Variants in PTPN6 observed in about 807,000 individuals in gnomAD.
The protein encoded by PTPN6 is protein tyrosine phosphatase non-receptor type 6, also known as tyrosine-protein phosphatase non-receptor type 6.
Under a neutral mutation model 81.5 loss-of-function variants are expected in PTPN6, and 18 were observed. The observed-to-expected ratio is 0.22, with a 90% confidence interval of 0.15 to 0.33. PTPN6 has a LOEUF of 0.33. Ranked by LOEUF, PTPN6 falls within the 10% of genes least tolerant of loss-of-function variation. The pLI is 1.00. For synonymous variants in PTPN6, 301 were observed against 310.9 expected (o/e 0.97, Z 0.33); for missense variants, 500 against 794.2 (o/e 0.63, Z 4.45).
rs1565580383 is a variant in PTPN6, at chr12:6,952,713, A to G, written c.326+536A>G. ...AAATAGGTCTCCGGCCCAAACAGAGATCATTGAGAGCACGATGTGAAGTGT... is the reference window on the plus strand; with the variant it reads ...AAATAGGTCTCCGGCCCAAACAGAGGTCATTGAGAGCACGATGTGAAGTGT... On this transcript the variant is annotated intron_variant, in intron 3 of 15. Coordinates refer to ENST00000318974, the MANE Select transcript of PTPN6 (RefSeq NM_002831.6). The surrounding 1 kb of genome is among the most constrained non-coding windows in gnomAD (Gnocchi z 8.1). 5.1e-6 allele frequency: 1 copy of G among 195,186 alleles called. No individual in the cohort carries two copies. The highest frequency in any genetic ancestry group is 1.1e-5 in the Non-Finnish European group (1 of 92,570). The allele number at this position is 195,186 out of a possible 1,614,324, so 12.1% of individuals were successfully genotyped here.
In PTPN6 at chr12:6,957,235, C is replaced by T. The variant is rs1946047858; in HGVS notation, c.1075-419C>T. Among the ~76,000 whole-genome samples, 1 of 152,222 alleles carries T rather than the reference C, an allele frequency of 6.6e-6. No individual in the cohort carries two copies. The highest frequency in any genetic ancestry group is 2.4e-5 in the African/African-American group (1 of 41,466). Reference sequence around the variant, plus strand: ...CGGAGCGCTGCCTCCTCTGTGAATCCAGGTCTTGTTTCCTCCAGGACCTAG... The same window carrying T: ...CGGAGCGCTGCCTCCTCTGTGAATCTAGGTCTTGTTTCCTCCAGGACCTAG... On this transcript the variant is annotated intron_variant, in intron 9 of 15. Transcript: ENST00000318974. This position sits in a 1 kb window ranked among gnomAD's most constrained non-coding sequence, Gnocchi z 6.5.
Position 6,956,277 on chromosome 12 carries a change from G to A in PTPN6, c.924+56G>A, listed in dbSNP as rs1946028776. 5 of 1,609,734 alleles carry A rather than the reference G, an allele frequency of 3.1e-6. No homozygotes were observed. The Admixed American group carries it at 8.3e-5, about 27-fold the overall frequency. On this transcript the variant is annotated intron_variant, in intron 8 of 15. Coordinates refer to ENST00000318974, the MANE Select transcript of PTPN6 (RefSeq NM_002831.6). The surrounding 1 kb of genome is among the most constrained non-coding windows in gnomAD (Gnocchi z 4.1). ...GCTGGGCCCTGGGAATTCCCTGTCT[G>A]GTGGGGGGACCCTAGATCCAGAGAC...
rs868915823 is a variant in PTPN6 at position 6,951,406 on chromosome 12, C to T, written c.-107C>T. 74 of 1,552,698 alleles carry T rather than the reference C, an allele frequency of 4.8e-5. 1 individual carries two copies. The Middle Eastern group carries it at 8.0e-4, about 17-fold the overall frequency. ...GACCACCGGGGGTGGTGAGGCGGCC[C>T]GGCACTGGGAGCTGCATCTGAGGCT... On this transcript the variant is annotated 5_prime_UTR_variant, in exon 1 of 16. Transcript: ENST00000318974. This position sits in a 1 kb window ranked among gnomAD's most constrained non-coding sequence, Gnocchi z 7.2.
At chr12:6,958,622 T>C (rs1427989861) in intron 11 of PTPN6, among the ~76,000 whole-genome samples, 2 of 152,226 alleles carry the variant, frequency 1.3e-5, no homozygotes, top group Admixed American at 1.3e-4. Flanking sequence ...TGGGTGATGC[T>C]TCTTTGGGGC....
At chr12:6,958,895 T>TG (rs1356573174) in intron 11 of PTPN6, among the ~76,000 whole-genome samples, 2 of 152,082 alleles carry the variant, frequency 1.3e-5, no homozygotes, top group Admixed American at 1.3e-4. Context: ...GAGAACTCAA[T>TG]GAGACCCTAT....
chr12:6,955,224 C>T lies in PTPN6; in HGVS notation c.590C>T (p.Thr197Met), dbSNP rs782576858. The T allele has an allele frequency of 1.2e-5, 19 of 1,614,202 alleles. No homozygotes were observed. Among genetic ancestry groups the T allele is most frequent in the South Asian group, 5.5e-5 (5 of 91,084 alleles). Reference protein sequence around the residue: ...LTDLVEHFKKTGIEEASGAFV... With the variant: ...LTDLVEHFKKMGIEEASGAFV... The stretch of plus-strand genomic sequence containing the variant: ...GACCTGGTGGAGCATTTCAAGAAGA[C>T]GGGGATTGAGGAGGCCTCAGGCGCC... The change falls in exon 5 of 16, where the codon ACG becomes ATG. Residue 197 changes from threonine to methionine, a missense_variant. This residue lies in a region of PTPN6 where 96 missense variants were observed against 137.3 expected (regional missense o/e 0.70). Coordinates refer to ENST00000318974, the MANE Select transcript of PTPN6 (RefSeq NM_002831.6). This position sits in a 1 kb window ranked among gnomAD's most constrained non-coding sequence, Gnocchi z 7.2.
In PTPN6 at chr12:6,956,079, A is replaced by G; in HGVS notation, c.845-63A>G. 6.5e-7 allele frequency: 1 copy of G among 1,542,690 alleles called. No homozygotes were observed. On this transcript the variant is annotated intron_variant, in intron 7 of 15. Coordinates refer to ENST00000318974, the MANE Select transcript of PTPN6 (RefSeq NM_002831.6). The surrounding 1 kb of genome is among the most constrained non-coding windows in gnomAD (Gnocchi z 4.1). ...TGGCCTGTTAGCTCAGGAGGGTCTG[A>G]CCCAGGTGTGGTGAGTCCCTGGCTA...
rs373293379 is a variant in PTPN6, at chr12:6,955,045, C to A, written c.516+51C>A. The A allele has an allele frequency of 1.0e-4, 162 of 1,610,600 alleles. No homozygotes were observed. In the African/African-American group the frequency reaches 1.7e-3, roughly 17 times the overall value. ...CCTCTGCTGAGGCTCCTGTCTGTGACCACAGTGTGGGTGGCAGGGAGGGTC... is the reference window on the plus strand; with the variant it reads ...CCTCTGCTGAGGCTCCTGTCTGTGAACACAGTGTGGGTGGCAGGGAGGGTC... On this transcript the variant is annotated intron_variant, in intron 4 of 15. Coordinates refer to ENST00000318974, the MANE Select transcript of PTPN6 (RefSeq NM_002831.6). This position sits in a 1 kb window ranked among gnomAD's most constrained non-coding sequence, Gnocchi z 7.2.
At position 6,952,704 on chromosome 12, in the gene PTPN6, C is replaced by CA. The variant is rs781837887; in HGVS notation, c.326+530dup. The CA allele has an allele frequency of 2.1e-3, 414 of 198,328 alleles. 2 individuals carry two copies. Among genetic ancestry groups the CA allele is most frequent in the African/African-American group, 9.4e-3 (403 of 42,836 alleles). The allele number at this position is 198,328 out of a possible 1,614,324, so 12.3% of individuals were successfully genotyped here. Reference sequence around the variant, plus strand: ...TGTGGGGTCAAATAGGTCTCCGGCCCAAACAGAGATCATTGAGAGCACGAT... The same window carrying CA: ...TGTGGGGTCAAATAGGTCTCCGGCCCAAAACAGAGATCATTGAGAGCACGAT... On this transcript the variant is annotated intron_variant, in intron 3 of 15. Coordinates refer to ENST00000318974, the MANE Select transcript of PTPN6 (RefSeq NM_002831.6). The surrounding 1 kb of genome is among the most constrained non-coding windows in gnomAD (Gnocchi z 8.1).
In PTPN6 at chr12:6,959,814, C is replaced by A; in HGVS notation, c.1362-113C>A. Reference sequence around the variant, plus strand: ...TGACCCTGGGCACATTCCCTCCCATCACTGGAGGCTCAGGCTGCTCCTGTG... The same window carrying A: ...TGACCCTGGGCACATTCCCTCCCATAACTGGAGGCTCAGGCTGCTCCTGTG... On this transcript the variant is annotated intron_variant, in intron 11 of 15. Transcript: ENST00000318974. The surrounding 1 kb of genome is among the most constrained non-coding windows in gnomAD (Gnocchi z 6.6). 8.8e-7 allele frequency: 1 copy of A among 1,142,138 alleles called. No individual in the cohort carries two copies. Among genetic ancestry groups the A allele is most frequent in the Non-Finnish European group, 1.3e-6 (1 of 762,808 alleles). 70.8% of individuals were successfully genotyped at this position (1,142,138 alleles called of 1,614,324 possible).
At position 6,951,926 on chromosome 12, in the gene PTPN6, C is replaced by G. The variant is rs1555147842; in HGVS notation, c.132-57C>G. ...CCCCCACCCAGGACCTCAGCCGATC[C>G]CTGCCCTCCTGCCTCTACTCCTGCA... On this transcript the variant is annotated intron_variant, in intron 2 of 15. Transcript: ENST00000318974. The surrounding 1 kb of genome is among the most constrained non-coding windows in gnomAD (Gnocchi z 7.2). 1.3e-6 allele frequency: 2 copies of G among 1,588,108 alleles called. No homozygotes were observed.
rs782651589 is a variant in PTPN6 at position 6,959,745 on chromosome 12, G to A, written c.1362-182G>A. 3.4e-5 allele frequency: 23 copies of A among 669,306 alleles called. No individual in the cohort carries two copies. The highest frequency in any genetic ancestry group is 2.5e-4 in the African/African-American group (14 of 56,074). 41.5% of individuals were successfully genotyped at this position (669,306 alleles called of 1,614,324 possible). A position where few individuals can be genotyped will look rare whatever the true frequency, so the allele number is the denominator to read the frequency against. ...AGCACCGCAGAGCCCGAGGTGGAGC[G>A]TGTCCATGCAGAGCTGGGCAAACCT... On this transcript the variant is annotated intron_variant, in intron 11 of 15. Coordinates refer to ENST00000318974, the MANE Select transcript of PTPN6 (RefSeq NM_002831.6). This position sits in a 1 kb window ranked among gnomAD's most constrained non-coding sequence, Gnocchi z 6.6.
At position 6,957,135 on chromosome 12, in the gene PTPN6, G is replaced by T. The variant is rs2138275043; in HGVS notation, c.1075-519G>T. 6.6e-6 allele frequency among the ~76,000 whole-genome samples: 1 copy of T among 152,324 alleles called. No homozygotes were observed. On this transcript the variant is annotated intron_variant, in intron 9 of 15. Coordinates refer to ENST00000318974, the MANE Select transcript of PTPN6 (RefSeq NM_002831.6). The surrounding 1 kb of genome is among the most constrained non-coding windows in gnomAD (Gnocchi z 6.5). ...AGGTTCCCAGCCTTTCTTTGCACAA[G>T]CTCATTTTCTGCTAGGAAATGACTC...
upstream of PTPN6, chr12:6,951,336 C>T: frequency 4.6e-6 from 7 of 1,518,372 alleles, no homozygotes; most frequent in Non-Finnish European, 6.2e-6. The surrounding 1 kb of genome is among the most constrained non-coding windows in gnomAD (Gnocchi z 7.2). Flanking sequence ...CTGTCCCCGC[C>T]CTGCCGGCTG....
At chr12:6,951,268 T>C (rs908787045), upstream of PTPN6, 6 of 1,444,178 alleles carry the variant, frequency 4.2e-6, no homozygotes, top group African/African-American at 1.4e-5. This position sits in a 1 kb window ranked among gnomAD's most constrained non-coding sequence, Gnocchi z 7.2. Flanking sequence ...CTTCCCTTGC[T>C]GTGCTCTAAA....
Position 6,955,113 on chromosome 12 carries a change from C to T in PTPN6, c.517-38C>T. On this transcript the variant is annotated intron_variant, in intron 4 of 15. Transcript: ENST00000318974. This position sits in a 1 kb window ranked among gnomAD's most constrained non-coding sequence, Gnocchi z 7.2. ...AAGGCTGGGGACCCAGGGAGGGAGA[C>T]TCAAGTCCTGTGAATGGCCTAATTT... The T allele has an allele frequency of 6.2e-7, 1 of 1,611,174 alleles. No homozygotes were observed. Among genetic ancestry groups the T allele is most frequent in the Non-Finnish European group, 8.5e-7 (1 of 1,177,316 alleles).
At chr12:6,953,964 ACT>A (rs782435601) in intron 3 of PTPN6, among the ~76,000 whole-genome samples, 2 of 147,096 alleles carry the variant, frequency 1.4e-5, no homozygotes, top group Non-Finnish European at 3.0e-5. Flanking sequence ...CTCACTTCTC[ACT>A]CTCTCCCCAG....
Position 6,955,309 on chromosome 12 carries a change from G to C in PTPN6, c.633+42G>C, listed in dbSNP as rs782730341. On this transcript the variant is annotated intron_variant, in intron 5 of 15. Coordinates refer to ENST00000318974, the MANE Select transcript of PTPN6 (RefSeq NM_002831.6). This position sits in a 1 kb window ranked among gnomAD's most constrained non-coding sequence, Gnocchi z 7.2. Reference sequence around the variant, plus strand: ...GCTGCCTCCCCACTTCCCCTGAGCTGTCCCCCAGATGTGAGCTTCTGGGAT... The same window carrying C: ...GCTGCCTCCCCACTTCCCCTGAGCTCTCCCCCAGATGTGAGCTTCTGGGAT... The C allele has an allele frequency of 1.2e-6, 2 of 1,610,354 alleles. No individual in the cohort carries two copies. Among genetic ancestry groups the C allele is most frequent in the Non-Finnish European group, 1.7e-6 (2 of 1,176,744 alleles).
Position 6,955,354 on chromosome 12 carries a change from C to G in PTPN6, c.634-18C>G, listed in dbSNP as rs1555148452. On this transcript the variant is annotated intron_variant, in intron 5 of 15. Transcript: ENST00000318974. The surrounding 1 kb of genome is among the most constrained non-coding windows in gnomAD (Gnocchi z 7.2). Reference sequence around the variant, plus strand: ...TGGGATCTCTGAGTTGCTGACTTCTCGCTCTTCCCCACCCCAGCCGTACTA... The same window carrying G: ...TGGGATCTCTGAGTTGCTGACTTCTGGCTCTTCCCCACCCCAGCCGTACTA... The G allele has an allele frequency of 6.2e-7, 1 of 1,613,044 alleles. No homozygotes were observed. The highest frequency in any genetic ancestry group is 1.7e-5 in the Admixed American group (1 of 60,026).
Sources: gnomAD v4.1 joint callset for allele counts (sites outside exome capture counted in the v4.1 genomes callset) on GRCh38, gnomAD v4.1.1 for gene constraint, gnomAD v4.1.1 regional missense constraint, Gnocchi (gnomAD v3.1) non-coding constraint, MANE v1.5 for transcripts, NCBI Gene and HGNC (gene_info 2026-07-23, HGNC 2026-07-21) for gene names.